PDZRN3: variants seen among roughly 807,000 people sequenced by gnomAD.
PDZRN3 encodes PDZ domain containing ring finger 3, also known as E3 ubiquitin-protein ligase PDZRN3.
PDZRN3 carries 38 observed loss-of-function variants against 85.7 expected under a neutral mutation model. The ratio of observed to expected loss-of-function variants is 0.44; its 90% CI spans 0.34 to 0.58. PDZRN3 has a LOEUF of 0.58. PDZRN3 is among the 20% of genes least tolerant of loss of function. PDZRN3 has a pLI of 0.01. For synonymous variants in PDZRN3, 759 were observed against 638.0 expected (o/e 1.19, Z -2.86); for missense variants, 1,629 against 1,506.4 (o/e 1.08, Z -1.35).
rs398106035 is a variant in PDZRN3, at chr3:73,388,083, A to AC, written c.1417-15_1417-14insG. The AC allele has an allele frequency of 6.2e-4, 563 of 907,956 alleles. No homozygotes were observed. Among genetic ancestry groups the AC allele is most frequent in the Non-Finnish European group, 8.7e-4 (512 of 588,752 alleles). The allele number at this position is 907,956 out of a possible 1,614,324, so 56.2% of individuals were successfully genotyped here. On this transcript the variant is annotated splice_polypyrimidine_tract_variant and intron_variant, in intron 7 of 9. Coordinates refer to ENST00000263666, the MANE Select transcript of PDZRN3 (RefSeq NM_015009.3). Reference sequence around the variant, plus strand: ...TATCCCATTAATCTTTTAAAAAAAAAGGGGGGGTGGGGAGAGTGGGGAGAC... The same window carrying AC: ...TATCCCATTAATCTTTTAAAAAAAAACGGGGGGGTGGGGAGAGTGGGGAGAC...
At chr3:73,456,819 C>T (rs1042631786) in intron 3 of PDZRN3, among the ~76,000 whole-genome samples, 1 of 152,050 alleles carries the variant, frequency 6.6e-6, no homozygotes, top group Non-Finnish European at 1.5e-5. Flanking sequence ...ATAAATACTG[C>T]CCAGCGTGGT....
At chr3:73,451,161 C>A (rs1425006592) in intron 3 of PDZRN3, among the ~76,000 whole-genome samples, 2 of 152,174 alleles carry the variant, frequency 1.3e-5, no homozygotes, top group African/African-American at 4.8e-5. Context: ...GCTGCAAATA[C>A]TTCTTCCGGG....
chr3:73,427,059 A>G (rs1702330899), intron 3 of PDZRN3, among the ~76,000 whole-genome samples: 1 of 152,202 alleles, frequency 6.6e-6, no homozygotes, highest in African/African-American at 2.4e-5. Flanking sequence ...ATTTGGAAAA[A>G]AAAATTATCC....
chr3:73,467,731 A>C (rs1274073405), intron 3 of PDZRN3, among the ~76,000 whole-genome samples: 1 of 152,208 alleles, frequency 6.6e-6, no homozygotes, highest in Non-Finnish European at 1.5e-5. Context: ...CATTCTGTTC[A>C]TTTTTATGGC....
intron 3 of PDZRN3, among the ~76,000 whole-genome samples, chr3:73,541,228 T>C (rs1346778970): frequency 6.6e-6 from 1 of 152,198 alleles, no homozygotes; most frequent in Non-Finnish European, 1.5e-5. Context: ...GACCTGACTT[T>C]AGAAATATTT....
At chr3:73,449,847 G>A (rs3863973) in intron 3 of PDZRN3, among the ~76,000 whole-genome samples, 118,850 of 152,042 alleles carry the variant, frequency 0.78, 46,678 homozygotes, top group East Asian at 0.91. Flanking sequence ...TGGGGTGTAA[G>A]AAAAGCCTGT....
intron 1 of PDZRN3, among the ~76,000 whole-genome samples, chr3:73,621,499 G>C (rs1313635856): frequency 6.6e-6 from 1 of 152,220 alleles, no homozygotes; most frequent in African/African-American, 2.4e-5. Context: ...AGCAGGAGCA[G>C]AGAGCCGGCC....
intron 3 of PDZRN3, among the ~76,000 whole-genome samples, chr3:73,443,808 A>G (rs1169408548): frequency 6.6e-6 from 1 of 151,438 alleles, no homozygotes; most frequent in Non-Finnish European, 1.5e-5. Context: ...TTTTTTTTTT[A>G]AAGCTATTCA....
At chr3:73,409,319 T>C (rs1012307564) in intron 3 of PDZRN3, among the ~76,000 whole-genome samples, 2 of 152,142 alleles carry the variant, frequency 1.3e-5, no homozygotes, top group African/African-American at 2.4e-5. Context: ...CGGAATAACA[T>C]TGCTGTTGCT....
chr3:73,445,265 G>C (rs1238226041), intron 3 of PDZRN3, among the ~76,000 whole-genome samples: 1 of 152,138 alleles, frequency 6.6e-6, no homozygotes, highest in Non-Finnish European at 1.5e-5. Context: ...GTAGTAGATG[G>C]TCCTTTCCAA....
chr3:73,389,617 C>G (rs1701477804), intron 7 of PDZRN3, among the ~76,000 whole-genome samples, 199 bp downstream of exon 7: 1 of 152,100 alleles, frequency 6.6e-6, no homozygotes, highest in Non-Finnish European at 1.5e-5. Context: ...TGTCCCAGTC[C>G]TCACCACTCC....
At chr3:73,432,839 C>T (rs1357619264) in intron 3 of PDZRN3, among the ~76,000 whole-genome samples, 1 of 151,850 alleles carries the variant, frequency 6.6e-6, no homozygotes, top group African/African-American at 2.4e-5. Flanking sequence ...TGCCAAGACA[C>T]ATTTGAAGAA....
At chr3:73,595,896 A>C (rs1702424342) in intron 3 of PDZRN3, among the ~76,000 whole-genome samples, 1 of 152,162 alleles carries the variant, frequency 6.6e-6, no homozygotes. Context: ...ACATATTTAC[A>C]TTTTCTAGCT....
intron 3 of PDZRN3, among the ~76,000 whole-genome samples, chr3:73,471,611 C>T (rs1484116922): frequency 6.6e-6 from 1 of 152,188 alleles, no homozygotes; most frequent in East Asian, 1.9e-4. Flanking sequence ...CCCATGCCAA[C>T]TAGCAGCTGG....
At position 73,449,217 on chromosome 3, in the gene PDZRN3, G is replaced by A. The variant is rs1005564247; in HGVS notation, c.919-44822C>T. ...GCAGGACAGAGCCTTGGGACCCAGC[G>A]TGCCATGTCATCTTCTAATTAACTA... On this transcript the variant is annotated intron_variant, in intron 3 of 9. Transcript: ENST00000263666. 3.9e-5 allele frequency among the ~76,000 whole-genome samples: 6 copies of A among 152,140 alleles called. No homozygotes were observed. In the East Asian group the frequency reaches 7.7e-4, roughly 20 times the overall value.
chr3:73,595,558 A>G (rs1702419459), intron 3 of PDZRN3, among the ~76,000 whole-genome samples: 3 of 152,242 alleles, frequency 2.0e-5, no homozygotes, highest in South Asian at 4.1e-4. Context: ...GAAAAAATAT[A>G]TAATTACAAA....
chr3:73,572,914 C>T (rs1702065508), intron 3 of PDZRN3, among the ~76,000 whole-genome samples: 1 of 152,192 alleles, frequency 6.6e-6, no homozygotes, highest in African/African-American at 2.4e-5. Context: ...GCTCCGGGAG[C>T]AGTTAGGCTG....
At chr3:73,440,494 AGCTGAGGG>A (rs1702613754) in intron 3 of PDZRN3, among the ~76,000 whole-genome samples, 1 of 152,192 alleles carries the variant, frequency 6.6e-6, no homozygotes, top group African/African-American at 2.4e-5. Context: ...ATGCAGCCCA[AGCTGAGGG>A]GCCTGAGGCC....
chr3:73,605,284 A>G (rs549492773), intron 2 of PDZRN3, among the ~76,000 whole-genome samples: 4 of 152,138 alleles, frequency 2.6e-5, no homozygotes, highest in Admixed American at 2.6e-4. Flanking sequence ...CTCTCCTAAG[A>G]GAGTTAGTTA....
Sources: allele counts gnomAD v4.1 joint callset (sites outside exome capture counted in the v4.1 genomes callset), GRCh38; gene constraint gnomAD v4.1.1; transcripts MANE v1.5; gene names NCBI Gene and HGNC (gene_info 2026-07-23, HGNC 2026-07-21).